Variants in SLC24A3 observed in about 807,000 individuals in gnomAD.
SLC24A3 encodes the protein sodium/potassium/calcium exchanger 3.
A neutral mutation model predicts 75.8 loss-of-function variants in SLC24A3; 28 were observed. That is an observed-to-expected ratio of 0.37 (90% confidence interval 0.27 to 0.51). The LOEUF (loss-of-function observed/expected upper bound fraction) is 0.51, where lower values mean the gene tolerates loss of function less well. Ranked by LOEUF, SLC24A3 falls within the 20% of genes least tolerant of loss-of-function variation. SLC24A3 has a pLI of 0.94. For missense variants in SLC24A3, 663 were observed against 847.8 expected (o/e 0.78, Z 2.71); for synonymous variants, 372 against 334.1 (o/e 1.11, Z -1.24).
intron 15 of SLC24A3, among the ~76,000 whole-genome samples, chr20:19,714,645 G>A (rs899327819): frequency 2.0e-5 from 3 of 152,156 alleles, no homozygotes; most frequent in African/African-American, 7.2e-5. Context: ...CCCTGGGTGT[G>A]TGTAGTAGTT....
intron 6 of SLC24A3, among the ~76,000 whole-genome samples, chr20:19,615,484 G>T (rs1451430300): frequency 1.3e-5 from 2 of 152,152 alleles, no homozygotes; most frequent in African/African-American, 4.8e-5. Context: ...GGAAGGTGAA[G>T]GGAAAGCAGG....
intron 4 of SLC24A3, among the ~76,000 whole-genome samples, chr20:19,583,727 G>C (rs1449554694): frequency 1.3e-5 from 2 of 152,216 alleles, no homozygotes; most frequent in African/African-American, 2.4e-5. Flanking sequence ...GGAGCTGCGA[G>C]CTGTGTCAGG....
At chr20:19,515,910 AT>A (rs1208805295) in intron 3 of SLC24A3, among the ~76,000 whole-genome samples, 1 of 152,008 alleles carries the variant, frequency 6.6e-6, no homozygotes, top group Admixed American at 6.6e-5. Flanking sequence ...ATGCCGCCAT[AT>A]TTCCTCTTAC....
At chr20:19,561,886 A>T (rs937900081) in intron 3 of SLC24A3, among the ~76,000 whole-genome samples, 1 of 152,164 alleles carries the variant, frequency 6.6e-6, no homozygotes, top group African/African-American at 2.4e-5. Flanking sequence ...TTGTAACCAC[A>T]GTATCGTTAC....
chr20:19,281,250 A>C (rs992511069), intron 2 of SLC24A3, among the ~76,000 whole-genome samples, 163 bp downstream of exon 2: 5 of 152,168 alleles, frequency 3.3e-5, no homozygotes, highest in Non-Finnish European at 7.3e-5. Flanking sequence ...CTGAGGGACT[A>C]TTAAGTTGTG....
At chr20:19,643,934 C>T (rs1291909792) in intron 6 of SLC24A3, among the ~76,000 whole-genome samples, 1 of 152,180 alleles carries the variant, frequency 6.6e-6, no homozygotes, top group Admixed American at 6.5e-5. Context: ...GACAGGTATA[C>T]ATTTTAAAAT....
At chr20:19,601,782 T>C (rs561119125) in intron 6 of SLC24A3, among the ~76,000 whole-genome samples, 16 of 152,314 alleles carry the variant, frequency 1.1e-4, no homozygotes, top group Admixed American at 3.3e-4. Context: ...GCAGTGCTGG[T>C]GTTTTCCATA....
intron 2 of SLC24A3, among the ~76,000 whole-genome samples, chr20:19,388,931 A>G (rs1012578841): frequency 1.3e-5 from 2 of 151,854 alleles, no homozygotes; most frequent in African/African-American, 4.8e-5. Context: ...CAATTCTTCC[A>G]ATCTTGCTGT....
chr20:19,252,643 C>CAGT (rs113050087), intron 1 of SLC24A3, among the ~76,000 whole-genome samples: 1 of 133,364 alleles, frequency 7.5e-6, no homozygotes, highest in Admixed American at 7.7e-5. Flanking sequence ...ATTGGAATGG[C>CAGT]GGGGGGGGGT....
chr20:19,693,914 T>C (rs55901653), intron 13 of SLC24A3: 20,476 of 152,992 alleles, frequency 0.13, 1,596 homozygotes, highest in Non-Finnish European at 0.18. Flanking sequence ...GGGGGAAGTG[T>C]ACTCCACCTG....
In SLC24A3 at chr20:19,627,745, G is replaced by C. The variant is rs114218157; in HGVS notation, c.613-26317G>C. Among the ~76,000 whole-genome samples the C allele has an allele frequency of 3.9e-3, 590 of 152,324 alleles. 8 individuals are homozygous for C. The highest frequency in any genetic ancestry group is 0.013 in the African/African-American group (552 of 41,578). On this transcript the variant is annotated intron_variant, in intron 6 of 16. Transcript: ENST00000328041. ...TGCCCACCCTTGAGAAGAATGTTCTGTTGAGTGATTTGTGAAACATTTAAC... is the reference window on the plus strand; with the variant it reads ...TGCCCACCCTTGAGAAGAATGTTCTCTTGAGTGATTTGTGAAACATTTAAC...
chr20:19,463,305 A>G (rs1987709287), intron 2 of SLC24A3, among the ~76,000 whole-genome samples: 2 of 152,184 alleles, frequency 1.3e-5, no homozygotes, highest in Admixed American at 1.3e-4. Context: ...CACTGGGTCC[A>G]GTAATGACAG....
At chr20:19,335,241 G>T (rs547821200) in intron 2 of SLC24A3, among the ~76,000 whole-genome samples, 52 of 152,268 alleles carry the variant, frequency 3.4e-4, no homozygotes, top group African/African-American at 1.2e-3. Flanking sequence ...AATTAAGAGG[G>T]CTAGAATGAA....
At chr20:19,552,304 C>G (rs2030710330) in intron 3 of SLC24A3, among the ~76,000 whole-genome samples, 4 of 152,148 alleles carry the variant, frequency 2.6e-5, no homozygotes, top group African/African-American at 9.7e-5. Flanking sequence ...AAGGACAGCC[C>G]AGCCTCCCTC....
chr20:19,654,023 G>A, intron 6 of SLC24A3, 39 bp from the exon 7 acceptor site: 2 of 1,559,230 alleles, frequency 1.3e-6, no homozygotes, highest in Non-Finnish European at 1.8e-6. Flanking sequence ...CATTTGTACA[G>A]TCTATATCCT....
intron 2 of SLC24A3, among the ~76,000 whole-genome samples, chr20:19,292,323 T>G (rs1322841922): frequency 6.6e-6 from 1 of 152,222 alleles, no homozygotes; most frequent in Non-Finnish European, 1.5e-5. Context: ...TTATTATTCA[T>G]GCTGCTGATT....
At chr20:19,683,208 A>T (rs996282236) in intron 10 of SLC24A3, among the ~76,000 whole-genome samples, 1 of 152,224 alleles carries the variant, frequency 6.6e-6, no homozygotes, top group African/African-American at 2.4e-5. Flanking sequence ...ACCATTTCAC[A>T]TGAGGATTTT....
chr20:19,414,644 A>G (rs988641314), intron 2 of SLC24A3, among the ~76,000 whole-genome samples: 3 of 152,234 alleles, frequency 2.0e-5, no homozygotes, highest in Non-Finnish European at 4.4e-5. Context: ...GGACAATGCA[A>G]TTACAAGGAA....
intron 8 of SLC24A3, among the ~76,000 whole-genome samples, chr20:19,666,658 G>A (rs2032403143): frequency 6.6e-6 from 1 of 152,084 alleles, no homozygotes; most frequent in African/African-American, 2.4e-5. Flanking sequence ...GAAAATTGGT[G>A]TTGTTGGGGA....
Sources: allele counts gnomAD v4.1 joint callset (sites outside exome capture counted in the v4.1 genomes callset), GRCh38; gene constraint gnomAD v4.1.1; transcripts MANE v1.5; gene names NCBI Gene and HGNC (gene_info 2026-07-23, HGNC 2026-07-21).